MYH11: variants seen among roughly 807,000 people sequenced by gnomAD.
MYH11 encodes the protein myosin heavy chain 11, also known as myosin-11.
In MYH11, 80 loss-of-function variants were observed where a neutral mutation model predicts 246.6. The ratio of observed to expected loss-of-function variants is 0.32; its 90% CI spans 0.27 to 0.39. The LOEUF (loss-of-function observed/expected upper bound fraction) is 0.39, where lower values mean the gene tolerates loss of function less well. Among genes scored for constraint, MYH11 ranks in the 10% least tolerant of loss-of-function variants. The probability of loss-of-function intolerance (pLI) is 1.00; values close to 1 mark genes in which losing one functional copy is unlikely to be tolerated. For missense variants in MYH11, 2,158 were observed against 2,546.8 expected (o/e 0.85, Z 3.29); for synonymous variants, 1,071 against 1,015.5 (o/e 1.05, Z -1.04).
intron 3 of MYH11, among the ~76,000 whole-genome samples, chr16:15,814,140 C>A (rs11648964): frequency 0.088 from 9,152 of 104,034 alleles, 962 homozygotes; most frequent in African/African-American, 0.34. Flanking sequence ...CTCCATCCCC[C>A]AAAAAAAAAC....
rs200046875 is a variant in MYH11 at position 15,747,550 on chromosome 16, A to G, written c.2411+20T>C. 1.9e-6 allele frequency: 3 copies of G among 1,614,148 alleles called. No homozygotes were observed. The highest frequency in any genetic ancestry group is 2.5e-6 in the Non-Finnish European group (3 of 1,180,012). ...TGTGATTCGCGTTTGAGGTATTAGG[A>G]TGCAGGAAAGCATCTTTACTTTCTG... On this transcript the variant is annotated intron_variant, in intron 19 of 40. Coordinates refer to ENST00000300036, the MANE Select transcript of MYH11 (RefSeq NM_002474.3).
intron 1 of MYH11, among the ~76,000 whole-genome samples, chr16:15,846,315 A>G (rs1013604217): frequency 6.6e-6 from 1 of 152,184 alleles, no homozygotes; most frequent in Non-Finnish European, 1.5e-5. Flanking sequence ...AAAAAAGGAC[A>G]TCTCACAACA....
chr16:15,764,482 C>CA (rs59588895), intron 9 of MYH11, among the ~76,000 whole-genome samples: 2,839 of 145,774 alleles, frequency 0.019, 80 homozygotes, highest in African/African-American at 0.064. Flanking sequence ...GTCTCTAAAA[C>CA]AAAAAAAAAA....
chr16:15,798,608 TAA>T (rs374559754), intron 4 of MYH11, 50 bp downstream of exon 4: 20,690 of 1,022,060 alleles, frequency 0.02, 35 homozygotes, highest in Non-Finnish European at 0.022. Context: ...GACTACAGAT[TAA>T]AAAAAAAAAA....
chr16:15,733,179 C>A (rs1331558933), intron 26 of MYH11, among the ~76,000 whole-genome samples: 1 of 152,150 alleles, frequency 6.6e-6, no homozygotes, highest in Non-Finnish European at 1.5e-5. Context: ...GGTGTCACAG[C>A]CATTGTGTGA....
At chr16:15,719,176 C>G in intron 36 of MYH11, 44 bp downstream of exon 36, 1 of 1,562,092 alleles carries the variant, frequency 6.4e-7, no homozygotes, top group Non-Finnish European at 8.8e-7. Flanking sequence ...GCCTGTCCCC[C>G]CATCCTCTGC....
intron 2 of MYH11, among the ~76,000 whole-genome samples, chr16:15,824,628 C>G (rs2043512190): frequency 6.6e-6 from 1 of 152,132 alleles, no homozygotes; most frequent in Non-Finnish European, 1.5e-5. Context: ...GAAAGCCACA[C>G]ACCCCTAAAA....
intron 3 of MYH11, among the ~76,000 whole-genome samples, chr16:15,811,284 G>C (rs1411017080): frequency 2.0e-5 from 3 of 152,210 alleles, no homozygotes; most frequent in African/African-American, 7.2e-5. Flanking sequence ...AACAGGCTAA[G>C]ACACAAGGCC....
At chr16:15,802,906 G>A (rs528548688) in intron 3 of MYH11, among the ~76,000 whole-genome samples, 4 of 152,236 alleles carry the variant, frequency 2.6e-5, no homozygotes, top group South Asian at 2.1e-4. Flanking sequence ...ATCCCAGCAC[G>A]TGGGTGGATC....
At chr16:15,773,915 C>T (rs1234947800) in intron 8 of MYH11, among the ~76,000 whole-genome samples, 2 of 152,154 alleles carry the variant, frequency 1.3e-5, no homozygotes, top group African/African-American at 2.4e-5. Context: ...TCTCCCCCAC[C>T]CCCAACTTTA....
chr16:15,828,803 A>AG (rs1555457898), intron 2 of MYH11, among the ~76,000 whole-genome samples: 1 of 143,748 alleles, frequency 7.0e-6, no homozygotes, highest in Non-Finnish European at 1.5e-5. Context: ...AAAAAAAAAA[A>AG]GAAGGAAGGA....
chr16:15,763,741 T>TGGGGGCCCCCC, intron 10 of MYH11, 55 bp downstream of exon 10: 4 of 646,836 alleles, frequency 6.2e-6, no homozygotes, highest in East Asian at 3.2e-5. Context: ...AAATGTCACC[T>TGGGGGCCCCCC]CCCCCACCCC....
At chr16:15,828,285 C>T (rs2043624781) in intron 2 of MYH11, among the ~76,000 whole-genome samples, 1 of 152,152 alleles carries the variant, frequency 6.6e-6, no homozygotes, top group South Asian at 2.1e-4. Flanking sequence ...GTAGTAGGTG[C>T]TCAATCAATG....
At chr16:15,778,966 A>C in intron 6 of MYH11, 123 bp from the exon 7 acceptor site, 1 of 925,122 alleles carries the variant, frequency 1.1e-6, no homozygotes, top group Non-Finnish European at 1.8e-6. Flanking sequence ...ATTCTTGCGA[A>C]CACTCAGAAC....
chr16:15,720,732 CAAAA>C, intron 33 of MYH11, 103 bp downstream of exon 33: 1 of 1,252,614 alleles, frequency 8.0e-7, no homozygotes, highest in East Asian at 2.4e-5. Context: ...GACTCTGTTT[CAAAA>C]AAAAATAAAG....
chr16:15,717,582 C>T (rs1384958665), intron 37 of MYH11: 1 of 592,968 alleles, frequency 1.7e-6, no homozygotes, highest in Non-Finnish European at 3.0e-6. Context: ...ATCACTTGAG[C>T]TCAGGAGTTC....
At chr16:15,711,679 G>A (rs1183002027) in intron 40 of MYH11, among the ~76,000 whole-genome samples, 1 of 152,074 alleles carries the variant, frequency 6.6e-6, no homozygotes. Context: ...ACTCTGCCTG[G>A]TGCTGTCCTA....
chr16:15,746,596 C>T (rs1015910403), intron 19 of MYH11, among the ~76,000 whole-genome samples: 1 of 152,090 alleles, frequency 6.6e-6, no homozygotes, highest in African/African-American at 2.4e-5. Flanking sequence ...ACACACACCC[C>T]AGACAGAGAG....
intron 19 of MYH11, among the ~76,000 whole-genome samples, chr16:15,747,264 G>C (rs924428024): frequency 2.6e-5 from 4 of 152,136 alleles, no homozygotes; most frequent in Admixed American, 1.3e-4. Flanking sequence ...AGGTCAAAAT[G>C]ATTATGCTCA....
Sources: gnomAD v4.1 joint callset for allele counts (sites outside exome capture counted in the v4.1 genomes callset) on GRCh38, gnomAD v4.1.1 for gene constraint, MANE v1.5 for transcripts, NCBI Gene and HGNC (gene_info 2026-07-23, HGNC 2026-07-21) for gene names.